The following CTBP2 variants were observed in gnomAD, a reference collection of about 807,000 sequenced individuals.
The protein encoded by CTBP2 is C-terminal-binding protein 2.
Under a neutral mutation model 80.3 loss-of-function variants are expected in CTBP2, and 30 were observed. The observed-to-expected ratio is 0.37, with a 90% CI of 0.28 to 0.51. The LOEUF (loss-of-function observed/expected upper bound fraction) is 0.51, where lower values mean the gene tolerates loss of function less well. CTBP2 is among the 20% of genes least tolerant of loss of function. The pLI is 0.93. For synonymous variants in CTBP2, 594 were observed against 587.4 expected (o/e 1.01, Z -0.16); for missense variants, 1,212 against 1,375.3 (o/e 0.88, Z 1.88).
At chr10:125,044,248 C>T (rs970583939) in intron 2 of CTBP2, among the ~76,000 whole-genome samples, 2 of 152,192 alleles carry the variant, frequency 1.3e-5, no homozygotes, top group Admixed American at 6.5e-5. Flanking sequence ...GGAGCCTGTG[C>T]GACCACTGTG....
chr10:125,020,057 T>C (rs900049446), intron 1 of CTBP2, among the ~76,000 whole-genome samples: 10 of 152,140 alleles, frequency 6.6e-5, no homozygotes, highest in East Asian at 3.9e-4. Flanking sequence ...TAGGGGCCCA[T>C]TGGTTGTTTT....
Position 124,987,788 on chromosome 10 carries a change from A to G in CTBP2, c.*1730T>C, listed in dbSNP as rs557319265. The stretch of plus-strand genomic sequence containing the variant: ...TTGTTTTAATTGGGAAGGGAAGTAT[A>G]AGGAAGAGCTCAGAGGGAGTTTCAT... On this transcript the variant is annotated 3_prime_UTR_variant, in exon 9 of 9. Coordinates refer to ENST00000309035, the MANE Select transcript of CTBP2 (RefSeq NM_022802.3). 2.0e-5 allele frequency: 3 copies of G among 152,332 alleles called. No homozygotes were observed. The highest frequency in any genetic ancestry group is 7.2e-5 in the African/African-American group (3 of 41,572). 9.4% of individuals were successfully genotyped at this position (152,332 alleles called of 1,614,324 possible).
At chr10:125,100,087 C>T (rs1850380326) in intron 2 of CTBP2, among the ~76,000 whole-genome samples, 1 of 152,188 alleles carries the variant, frequency 6.6e-6, no homozygotes, top group Non-Finnish European at 1.5e-5. Context: ...ACGGCATGCA[C>T]AGATGTTGTC....
chr10:125,007,492 T>G (rs11593921), intron 1 of CTBP2, among the ~76,000 whole-genome samples: 11,275 of 152,310 alleles, frequency 0.074, 549 homozygotes, highest in Admixed American at 0.14. Context: ...AAAAGCAAAG[T>G]GCGTGGATCT....
At chr10:125,023,682 G>C (rs986597491) in intron 1 of CTBP2, among the ~76,000 whole-genome samples, 1 of 152,192 alleles carries the variant, frequency 6.6e-6, no homozygotes, top group Non-Finnish European at 1.5e-5. Context: ...TGGACTGCTT[G>C]GCCAGCAAAC....
chr10:125,043,043 T>C (rs1383262391), intron 2 of CTBP2, among the ~76,000 whole-genome samples: 3 of 152,154 alleles, frequency 2.0e-5, no homozygotes, highest in African/African-American at 7.2e-5. Flanking sequence ...TTCAACTCAT[T>C]TCTGAAGATG....
intron 1 of CTBP2, among the ~76,000 whole-genome samples, chr10:125,154,387 G>A (rs1417609296): frequency 1.3e-5 from 2 of 152,016 alleles, no homozygotes; most frequent in Middle Eastern, 3.2e-3. Flanking sequence ...AACACCAACC[G>A]ATCTTTGGGA....
At chr10:125,084,562 C>G (rs1847695460) in intron 2 of CTBP2, among the ~76,000 whole-genome samples, 1 of 152,142 alleles carries the variant, frequency 6.6e-6, no homozygotes, top group African/African-American at 2.4e-5. Context: ...CTGGAAGCCA[C>G]CTCCCCAGCC....
intron 1 of CTBP2, among the ~76,000 whole-genome samples, chr10:125,008,126 A>G (rs2028397): frequency 0.42 from 63,777 of 151,876 alleles, 14,558 homozygotes; most frequent in African/African-American, 0.61. Flanking sequence ...TTGTATTTTT[A>G]GCAGAGACAG....
intron 1 of CTBP2, among the ~76,000 whole-genome samples, chr10:125,152,048 G>A (rs1345183359): frequency 2.0e-5 from 3 of 152,174 alleles, no homozygotes; most frequent in Non-Finnish European, 4.4e-5. Flanking sequence ...CGCGGCCCGC[G>A]GAGGGGCCAG....
Position 125,066,564 on chromosome 10 carries a change from T to C in CTBP2, c.-101-27409A>G, listed in dbSNP as rs1393863124. ...GGACTGGAAGCATGGCCCTGAAGTG[T>C]GGGCAGCATCTTTTCTGTTTGCACG... On this transcript the variant is annotated intron_variant, in intron 2 of 10. Coordinates refer to the CTBP2 transcript ENST00000337195. This position sits in a 1 kb window ranked among gnomAD's most constrained non-coding sequence, Gnocchi z 4.1. Among the ~76,000 whole-genome samples the C allele has an allele frequency of 6.6e-6, 1 of 152,088 alleles. No homozygotes were observed. The highest frequency in any genetic ancestry group is 6.5e-5 in the Admixed American group (1 of 15,268).
At chr10:125,083,460 C>T (rs1447090010) in intron 2 of CTBP2, among the ~76,000 whole-genome samples, 1 of 152,200 alleles carries the variant, frequency 6.6e-6, no homozygotes, top group Non-Finnish European at 1.5e-5. Flanking sequence ...AGACCCCCGA[C>T]CTGGGCGAGG....
intron 2 of CTBP2, among the ~76,000 whole-genome samples, chr10:125,064,794 G>A (rs1039216784): frequency 1.3e-5 from 2 of 152,210 alleles, no homozygotes; most frequent in Non-Finnish European, 2.9e-5. Context: ...TGGGGATTCA[G>A]CCCAAGGCTT....
At chr10:125,106,768 T>C (rs1018854561) in intron 2 of CTBP2, among the ~76,000 whole-genome samples, 1 of 152,230 alleles carries the variant, frequency 6.6e-6, no homozygotes, top group Non-Finnish European at 1.5e-5. Flanking sequence ...ATTCAGGCCT[T>C]CTGCCTGGTC....
At chr10:125,021,365 G>A (rs1277096049) in intron 1 of CTBP2, among the ~76,000 whole-genome samples, 2 of 152,180 alleles carry the variant, frequency 1.3e-5, no homozygotes, top group African/African-American at 4.8e-5. Context: ...CACAAAGCAG[G>A]TGGCACTCCT....
At chr10:125,098,774 G>GAGAGAGAGAGAC (rs1564915121) in intron 2 of CTBP2, among the ~76,000 whole-genome samples, 2 of 142,062 alleles carry the variant, frequency 1.4e-5, no homozygotes, top group African/African-American at 5.4e-5. Context: ...GAGAGAGAGA[G>GAGAGAGAGAGAC]AGAGACAGAG....
intron 1 of CTBP2, chr10:125,005,499 A>AG (rs777533958): frequency 6.5e-7 from 1 of 1,539,556 alleles, no homozygotes; most frequent in East Asian, 2.3e-5. Context: ...AGGGCAGGGG[A>AG]GGGGGAAAAT....
At chr10:125,144,257 C>T (rs1195169651) in intron 1 of CTBP2, among the ~76,000 whole-genome samples, 1 of 152,204 alleles carries the variant, frequency 6.6e-6, no homozygotes, top group Admixed American at 6.5e-5. Flanking sequence ...CCCGCTCATC[C>T]CTAGAATGGG....
intron 2 of CTBP2, among the ~76,000 whole-genome samples, chr10:125,073,827 G>A (rs978446651): frequency 2.6e-5 from 4 of 152,202 alleles, no homozygotes; most frequent in Admixed American, 6.5e-5. Context: ...CGGACATGGC[G>A]ACATATGAGA....
Sources: gnomAD v4.1 joint callset for allele counts (sites outside exome capture counted in the v4.1 genomes callset) on GRCh38, gnomAD v4.1.1 for gene constraint, Gnocchi (gnomAD v3.1) non-coding constraint, MANE v1.5 for transcripts, NCBI Gene and HGNC (gene_info 2026-07-23, HGNC 2026-07-21) for gene names.